Variants in PCDH19 observed in about 807,000 individuals in gnomAD.
The protein encoded by PCDH19 is protocadherin-19.
Under a neutral mutation model 46.2 loss-of-function variants are expected in PCDH19, and 6 were observed. The observed-to-expected ratio is 0.13, with a 90% confidence interval of 0.07 to 0.26. PCDH19 has a LOEUF of 0.26. PCDH19 is among the 10% of genes least tolerant of loss of function. The pLI, the probability that PCDH19 is intolerant of heterozygous loss-of-function variation, is 1.00. For synonymous variants in PCDH19, 481 were observed against 415.7 expected, an observed-to-expected ratio of 1.16 and a Z score of -1.91; for missense variants, 740 against 972.3, an observed-to-expected ratio of 0.76 and a Z score of 3.18.
chrX:100,296,262 T>A lies in PCDH19; in HGVS notation c.*15A>T. 1 of 1,173,248 alleles carries A rather than the reference T, an allele frequency of 8.5e-7. No individual in the cohort carries two copies. Among genetic ancestry groups the A allele is most frequent in the East Asian group, 3.0e-5 (1 of 33,677 alleles). Reference sequence around the variant, plus strand: ...TAGCCAGTGTGGTTTCTTTCTCTTCTTCCTGGAGACTGGTTTAGAGAACGA... The same window carrying A: ...TAGCCAGTGTGGTTTCTTTCTCTTCATCCTGGAGACTGGTTTAGAGAACGA... On this transcript the variant is annotated 3_prime_UTR_variant, in exon 6 of 6. Coordinates refer to ENST00000373034, the MANE Select transcript of PCDH19 (RefSeq NM_001184880.2).
chrX:100,362,698 G>A (rs1433373378), intron 3 of PCDH19, among the ~76,000 whole-genome samples: 3 of 108,173 alleles, frequency 2.8e-5, no homozygotes, highest in African/African-American at 1.0e-4. Context: ...TCGGGAGGCT[G>A]AGGCAGGAGA....
At chrX:100,327,957 G>A (rs959392683) in intron 5 of PCDH19, among the ~76,000 whole-genome samples, 2 of 111,856 alleles carry the variant, frequency 1.8e-5, no homozygotes, top group African/African-American at 6.5e-5. Flanking sequence ...AGGGGCTCCA[G>A]GTAATGCTGC....
At chrX:100,296,915 C>T (rs1460461003) in intron 5 of PCDH19, 40 bp from the exon 6 acceptor site, 4 of 1,119,795 alleles carry the variant, frequency 3.6e-6, no homozygotes, top group Non-Finnish European at 4.9e-6. Context: ...ATCAGCTTTT[C>T]CCAGGATTCA....
rs1293203805 is a variant in PCDH19 at position 100,295,950 on chromosome X, TTTATA to T, written c.*322_*326del. 15 of 222,980 alleles carry T rather than the reference TTTATA, an allele frequency of 6.7e-5. 1 individual carries two copies. Among genetic ancestry groups the T allele is most frequent in the Admixed American group, 3.8e-4 (6 of 15,646 alleles). The allele number at this position is 222,980 out of a possible 1,213,427, so 18.4% of individuals were successfully genotyped here. A position where few individuals can be genotyped will look rare whatever the true frequency, so the allele number is the denominator to read the frequency against. ...TGTAATCCTCCACAAACAATGGTAATTTATATTATAATTTTGACATAGAAAAATAT... is the reference window on the plus strand; with the variant it reads ...TGTAATCCTCCACAAACAATGGTAATTTATAATTTTGACATAGAAAAATAT... On this transcript the variant is annotated 3_prime_UTR_variant, in exon 6 of 6. Transcript: ENST00000373034.
chrX:100,336,318 T>C (rs1207761668), intron 5 of PCDH19, among the ~76,000 whole-genome samples: 2 of 112,256 alleles, frequency 1.8e-5, no homozygotes, highest in Non-Finnish European at 3.8e-5. Context: ...TGTTCAGTCA[T>C]GGAATCATAA....
At position 100,407,065 on chromosome X, in the gene PCDH19, G is replaced by A. The variant is rs748871220; in HGVS notation, c.1533C>T (p.Asn511=). 1 of 1,211,785 alleles carries A rather than the reference G, an allele frequency of 8.3e-7. No individual in the cohort carries two copies. Among genetic ancestry groups the A allele is most frequent in the Non-Finnish European group, 1.1e-6 (1 of 895,378 alleles). ...ATCGCAGCGCGTAGATGTCGCCTGAGTTGGGATTGATGGAGACATAGGTGA... is the reference window on the plus strand; with the variant it reads ...ATCGCAGCGCGTAGATGTCGCCTGAATTGGGATTGATGGAGACATAGGTGA... ...PVFTYVSINP[N]SGDIYALRSF... is the part of the protein sequence containing the mutation. Residue 511 remains asparagine (N), a synonymous_variant, in exon 1 of 6, where the codon AAC becomes AAT. Transcript: ENST00000373034.
chrX:100,400,167 A>G lies in PCDH19; in HGVS notation c.2616+2357T>C, dbSNP rs141190993. 2.7e-3 allele frequency among the ~76,000 whole-genome samples: 304 copies of G among 111,520 alleles called. 1 individual carries two copies. Among genetic ancestry groups the G allele is most frequent in the Middle Eastern group, 9.2e-3 (2 of 217 alleles). ...CACAACTTTGGCATCTTTCACCTCTATTGTTTAAATGATCAATATGAGTAG... is the reference window on the plus strand; with the variant it reads ...CACAACTTTGGCATCTTTCACCTCTGTTGTTTAAATGATCAATATGAGTAG... On this transcript the variant is annotated intron_variant, in intron 3 of 5. Coordinates refer to ENST00000373034, the MANE Select transcript of PCDH19 (RefSeq NM_001184880.2).
At chrX:100,369,282 A>C (rs974661782) in intron 3 of PCDH19, among the ~76,000 whole-genome samples, 9 of 111,418 alleles carry the variant, frequency 8.1e-5, no homozygotes, top group African/African-American at 2.9e-4. Context: ...TAAGGGTCTC[A>C]AGAAGATGGA....
At position 100,408,308 on chromosome X, in the gene PCDH19, G is replaced by A; in HGVS notation, c.290C>T (p.Pro97Leu). 2 of 1,211,518 alleles carry A rather than the reference G, an allele frequency of 1.7e-6. No homozygotes were observed. The highest frequency in any genetic ancestry group is 2.2e-6 in the Non-Finnish European group (2 of 895,463). Reference protein sequence around the residue: ...IDRDLLCRQSPKCIISLEVMS... With the variant: ...IDRDLLCRQSLKCIISLEVMS... ...GACCTCGAGCGAGATGATGCACTTGGGGCTCTGGCGGCACAGCAGATCACG... is the reference window on the plus strand; with the variant it reads ...GACCTCGAGCGAGATGATGCACTTGAGGCTCTGGCGGCACAGCAGATCACG... The change falls in exon 1 of 6, where the codon CCC becomes CTC. Residue 97 changes from proline to leucine, a missense_variant. By Grantham distance (98) the Pro-to-Leu change is moderately conservative. Transcript: ENST00000373034.
intron 5 of PCDH19, among the ~76,000 whole-genome samples, chrX:100,313,857 T>A (rs1231438045): frequency 1.3e-5 from 1 of 76,293 alleles, no homozygotes; most frequent in Non-Finnish European, 2.6e-5. Context: ...CTGCTGTTAA[T>A]CACACACACA....
At chrX:100,323,632 T>C (rs1005791845) in intron 5 of PCDH19, among the ~76,000 whole-genome samples, 9 of 111,249 alleles carry the variant, frequency 8.1e-5, no homozygotes, top group Non-Finnish European at 1.7e-4. Context: ...TCACTGAGGG[T>C]TTTCCTCACT....
intron 4 of PCDH19, among the ~76,000 whole-genome samples, chrX:100,343,632 G>A (rs755280275): frequency 8.9e-6 from 1 of 111,948 alleles, no homozygotes; most frequent in Non-Finnish European, 1.9e-5. Context: ...TGTCCTGACA[G>A]AATCCCCAGC....
intron 4 of PCDH19, among the ~76,000 whole-genome samples, chrX:100,343,273 A>G (rs956410147): frequency 9.0e-6 from 1 of 111,432 alleles, no homozygotes; most frequent in Non-Finnish European, 1.9e-5. Flanking sequence ...CAGCCCCCAT[A>G]ATCACATAAG....
At chrX:100,403,458 A>ACCC in intron 2 of PCDH19, 66 bp downstream of exon 2, 1 of 964,154 alleles carries the variant, frequency 1.0e-6, no homozygotes, top group Non-Finnish European at 1.4e-6. Context: ...TCACCCCCCG[A>ACCC]CCCCCTCCTC....
chrX:100,355,895 T>C (rs1291835574), intron 3 of PCDH19, among the ~76,000 whole-genome samples: 1 of 111,242 alleles, frequency 9.0e-6, no homozygotes, highest in Non-Finnish European at 1.9e-5. Context: ...ATTGTCATTT[T>C]GCATTACTTT....
At chrX:100,323,180 G>C (rs1005253442) in intron 5 of PCDH19, among the ~76,000 whole-genome samples, 2 of 110,216 alleles carry the variant, frequency 1.8e-5, no homozygotes, top group Non-Finnish European at 3.8e-5. Flanking sequence ...TATCTATACA[G>C]GTGCCAGTTC....
chrX:100,370,993 ATG>A (rs59834814), intron 3 of PCDH19, among the ~76,000 whole-genome samples: 3,733 of 98,294 alleles, frequency 0.038, 62 homozygotes, highest in Non-Finnish European at 0.042. Context: ...GTGTGTGTGC[ATG>A]TGTGTGTGTG....
chrX:100,342,208 G>A (rs1926273499), intron 4 of PCDH19, 133 bp from the exon 5 acceptor site: 1 of 565,847 alleles, frequency 1.8e-6, no homozygotes, highest in Admixed American at 2.6e-5. Flanking sequence ...GGAATAAGGG[G>A]AAGAGAAATT....
At chrX:100,385,862 C>G (rs1019780955) in intron 3 of PCDH19, among the ~76,000 whole-genome samples, 1 of 110,829 alleles carries the variant, frequency 9.0e-6, no homozygotes, top group Admixed American at 9.6e-5. Flanking sequence ...CCACTGTACT[C>G]CAGCCTGGGT....
Sources: allele counts gnomAD v4.1 joint callset (sites outside exome capture counted in the v4.1 genomes callset), GRCh38; gene constraint gnomAD v4.1.1; transcripts MANE v1.5; gene names NCBI Gene and HGNC (gene_info 2026-07-23, HGNC 2026-07-21).